The following ABCC1 variants were observed in gnomAD, a reference collection of about 807,000 sequenced individuals.
ABCC1 encodes the protein ATP binding cassette subfamily C member 1 (ABCC1 blood group), also known as multidrug resistance-associated protein 1.
In ABCC1, 83 loss-of-function variants were observed where a neutral mutation model predicts 172.9. The ratio of observed to expected loss-of-function variants is 0.48; its 90% confidence interval spans 0.40 to 0.58. The LOEUF (loss-of-function observed/expected upper bound fraction) is 0.58. Ranked by LOEUF, ABCC1 falls within the 20% of genes least tolerant of loss-of-function variation. The pLI, the probability that ABCC1 is intolerant of heterozygous loss-of-function variation, is 0.00. For missense variants in ABCC1, 1,817 were observed against 2,002.7 expected, an observed-to-expected ratio of 0.91 and a Z score of 1.77; for synonymous variants, 937 against 825.2, an observed-to-expected ratio of 1.14 and a Z score of -2.32.
chr16:16,018,514 G>A (rs1445260930), intron 5 of ABCC1, among the ~76,000 whole-genome samples: 2 of 151,988 alleles, frequency 1.3e-5, no homozygotes, highest in Admixed American at 6.6e-5. Flanking sequence ...ACACCACTGC[G>A]CTCCAACCTG....
At chr16:16,008,444 GTCC>G (rs959840481) in intron 2 of ABCC1, among the ~76,000 whole-genome samples, 2 of 151,844 alleles carry the variant, frequency 1.3e-5, no homozygotes, top group African/African-American at 2.4e-5. Flanking sequence ...GCCTCAAGCA[GTCC>G]TCCTGCCTTG....
At chr16:15,996,978 T>A (rs531410656) in intron 1 of ABCC1, among the ~76,000 whole-genome samples, 2 of 152,082 alleles carry the variant, frequency 1.3e-5, no homozygotes, top group South Asian at 4.1e-4. Context: ...TCCCCAACTC[T>A]TTGAGTGTCA....
chr16:16,063,255 C>T (rs904232013), intron 12 of ABCC1, among the ~76,000 whole-genome samples: 4 of 152,074 alleles, frequency 2.6e-5, no homozygotes, highest in African/African-American at 9.7e-5. Flanking sequence ...TACAGGTGTG[C>T]GCCACCACAC....
rs1287033765 is a variant in ABCC1 at position 16,075,402 on chromosome 16, A to T, written c.1913-924A>T. On this transcript the variant is annotated intron_variant, in intron 14 of 30. Coordinates refer to ENST00000399410, the MANE Select transcript of ABCC1 (RefSeq NM_004996.4). ...CACTTTGGAAGGCCGAGGCAAGCAGATCACTTGAGGCCAAGAGTTCGAGAC... is the reference window on the plus strand; with the variant it reads ...CACTTTGGAAGGCCGAGGCAAGCAGTTCACTTGAGGCCAAGAGTTCGAGAC... 2.0e-5 allele frequency among the ~76,000 whole-genome samples: 3 copies of T among 151,762 alleles called. No individual in the cohort carries two copies. The East Asian group carries it at 5.9e-4, about 30-fold the overall frequency.
At chr16:15,979,522 C>CT (rs10591001) in intron 1 of ABCC1, among the ~76,000 whole-genome samples, 1 of 151,534 alleles carries the variant, frequency 6.6e-6, no homozygotes, top group Non-Finnish European at 1.5e-5. Context: ...TAATAAACAG[C>CT]TTTTTTGTTG....
intron 3 of ABCC1, among the ~76,000 whole-genome samples, chr16:16,010,427 A>G (rs1055001843): frequency 6.6e-6 from 1 of 152,088 alleles, no homozygotes; most frequent in Non-Finnish European, 1.5e-5. Context: ...CCACTGATTG[A>G]GTGGCAGATG....
chr16:16,099,686 T>G (rs1402501263), intron 19 of ABCC1, among the ~76,000 whole-genome samples: 1 of 152,180 alleles, frequency 6.6e-6, no homozygotes, highest in African/African-American at 2.4e-5. Context: ...GGGGCTTTTA[T>G]GGGGCGACCT....
Position 16,014,647 on chromosome 16 carries a change from C to T in ABCC1, c.489+19C>T, listed in dbSNP as rs1294655676. 1 of 1,612,388 alleles carries T rather than the reference C, an allele frequency of 6.2e-7. No homozygotes were observed. Among genetic ancestry groups the T allele is most frequent in the South Asian group, 1.1e-5 (1 of 90,994 alleles). On this transcript the variant is annotated intron_variant, in intron 4 of 30. Transcript: ENST00000399410. ...AAAAGAGGTAAGTGGCAGTCTCCTTCCTCATCTTCCTTCAGTGGACCCGGA... is the reference window on the plus strand; with the variant it reads ...AAAAGAGGTAAGTGGCAGTCTCCTTTCTCATCTTCCTTCAGTGGACCCGGA...
In ABCC1 at chr16:16,124,883, T is replaced by C. The variant is rs1215607662; in HGVS notation, c.3685T>C (p.Leu1229=). ...CTCCAGGCACAGCCTCAGTGCTGGC[T>C]TGGTGGGCCTCTCAGTGTCTTACTC... ...VISRHSLSAG[L]VGLSVSYSLQ... Residue 1229 remains leucine, a synonymous_variant, in exon 25 of 31, where the codon TTG becomes CTG. Coordinates refer to ENST00000399410, the MANE Select transcript of ABCC1 (RefSeq NM_004996.4). 6.2e-7 allele frequency: 1 copy of C among 1,614,216 alleles called. No individual in the cohort carries two copies. Among genetic ancestry groups the C allele is most frequent in the Non-Finnish European group, 8.5e-7 (1 of 1,180,040 alleles).
chr16:16,045,778 T>C, intron 8 of ABCC1, 58 bp from the exon 9 acceptor site: 1 of 1,559,158 alleles, frequency 6.4e-7, no homozygotes, highest in Non-Finnish European at 8.8e-7. Context: ...ACTGAAGCTC[T>C]CTTCCCTGCC....
Position 16,086,953 on chromosome 16 carries a change from G to GA in ABCC1, c.2426dup (p.Asn809LysfsTer40). On this transcript the variant is annotated frameshift_variant, in exon 18 of 31. Coordinates refer to ENST00000399410, the MANE Select transcript of ABCC1 (RefSeq NM_004996.4). LOFTEE classifies it high-confidence loss of function. Reference sequence around the variant, plus strand: ...TGCCCATGTGGGAAAACACATCTTTGAAAATGTGATTGGCCCCAAGGGGAT... The same window carrying GA: ...TGCCCATGTGGGAAAACACATCTTTGAAAAATGTGATTGGCCCCAAGGGGAT... The GA allele has an allele frequency of 6.2e-7, 1 of 1,614,226 alleles. No homozygotes were observed. Among genetic ancestry groups the GA allele is most frequent in the Non-Finnish European group, 8.5e-7 (1 of 1,180,038 alleles).
chr16:16,105,505 A>C (rs1029423595), intron 20 of ABCC1: 3 of 152,120 alleles, frequency 2.0e-5, no homozygotes, highest in African/African-American at 7.3e-5. Flanking sequence ...CAAAGAGGGG[A>C]GGTGGTGGAG....
chr16:16,038,176 TGATA>T (rs1180386296), intron 7 of ABCC1, among the ~76,000 whole-genome samples: 1 of 151,802 alleles, frequency 6.6e-6, no homozygotes, highest in Non-Finnish European at 1.5e-5. Context: ...GATGGATGAT[TGATA>T]GATGATGGAT....
intron 4 of ABCC1, among the ~76,000 whole-genome samples, chr16:16,016,149 G>GTTTTTTTTTT (rs71137903): frequency 2.4e-5 from 2 of 84,294 alleles, no homozygotes; most frequent in Non-Finnish European, 2.1e-5. Flanking sequence ...TGTGATCTTG[G>GTTTTTTTTTT]TTTTTTTTTT....
intron 1 of ABCC1, among the ~76,000 whole-genome samples, chr16:15,951,391 T>TTAAATATTTAAATAAAAA (rs1388138340): frequency 5.9e-5 from 9 of 152,310 alleles, no homozygotes; most frequent in Middle Eastern, 3.4e-3. Context: ...GTAATATTTT[T>TTAAATATTTAAATAAAAA]TAAAATTTTT....
At chr16:15,951,541 G>A (rs913508873) in intron 1 of ABCC1, among the ~76,000 whole-genome samples, 3 of 152,062 alleles carry the variant, frequency 2.0e-5, no homozygotes, top group African/African-American at 7.2e-5. Context: ...TTGACCTTGC[G>A]TATTTCTGCT....
chr16:16,031,623 T>C (rs1347619516), intron 5 of ABCC1, among the ~76,000 whole-genome samples: 1 of 152,140 alleles, frequency 6.6e-6, no homozygotes, highest in African/African-American at 2.4e-5. Flanking sequence ...TGCTTTCTTC[T>C]ACCACCGGGC....
intron 23 of ABCC1, among the ~76,000 whole-genome samples, chr16:16,118,942 G>A (rs1213234116): frequency 1.4e-5 from 2 of 146,912 alleles, no homozygotes; most frequent in Non-Finnish European, 3.0e-5. Context: ...TCAGCATCTT[G>A]ATTCATAATC....
Position 15,967,767 on chromosome 16 carries a change from A to C in ABCC1, c.48+17968A>C, listed in dbSNP as rs1325380475. Among the ~76,000 whole-genome samples the C allele has an allele frequency of 8.3e-3, 1,202 of 144,810 alleles. 26 individuals are homozygous for C. The highest frequency in any genetic ancestry group is 0.028 in the African/African-American group (1,123 of 39,866). ...AGCATGGCACTGTCTCCAAAAAAAA[A>C]AAAAACAACAAAAAAAAAACTTGTT... is the stretch of plus-strand genomic sequence containing the variant. On this transcript the variant is annotated intron_variant, in intron 1 of 30. Coordinates refer to ENST00000399410, the MANE Select transcript of ABCC1 (RefSeq NM_004996.4).
Sources: allele counts gnomAD v4.1 joint callset (sites outside exome capture counted in the v4.1 genomes callset), GRCh38; gene constraint gnomAD v4.1.1; transcripts MANE v1.5; gene names NCBI Gene and HGNC (gene_info 2026-07-23, HGNC 2026-07-21).